Variants in SEC63 observed in about 807,000 individuals in gnomAD.
The protein encoded by SEC63 is translocation protein SEC63 homolog.
A neutral mutation model predicts 116.2 loss-of-function variants in SEC63; 56 were observed. That is an observed-to-expected ratio of 0.48 (90% CI 0.39 to 0.60). SEC63 has a LOEUF of 0.60. SEC63 is among the 20% of genes least tolerant of loss of function. SEC63 has a pLI of 0.00. For missense variants in SEC63, 668 were observed against 900.0 expected, an observed-to-expected ratio of 0.74 and a Z score of 3.30; for synonymous variants, 273 against 294.6, an observed-to-expected ratio of 0.93 and a Z score of 0.75.
intron 11 of SEC63, 82 bp from the exon 12 acceptor site, chr6:107,903,080 T>G (rs1787045793): frequency 7.2e-7 from 1 of 1,386,846 alleles, no homozygotes; most frequent in South Asian, 1.2e-5. Context: ...AAAACAAAAT[T>G]CACACTAAAT....
intron 2 of SEC63, among the ~76,000 whole-genome samples, chr6:107,928,204 C>T (rs1472979286): frequency 6.6e-6 from 1 of 152,162 alleles, no homozygotes; most frequent in East Asian, 1.9e-4. Context: ...CTGGGTGGCT[C>T]ATGCAAGGTG....
chr6:107,943,157 T>C (rs541547538), intron 1 of SEC63, among the ~76,000 whole-genome samples: 1 of 152,342 alleles, frequency 6.6e-6, no homozygotes, highest in East Asian at 1.9e-4. Context: ...AAGCAGACAC[T>C]TGCAACACCT....
chr6:107,896,844 T>G (rs775988663), intron 14 of SEC63, among the ~76,000 whole-genome samples: 6 of 151,956 alleles, frequency 3.9e-5, no homozygotes, highest in Non-Finnish European at 8.8e-5. Context: ...CCAGGTGTGG[T>G]GGCGTGTGCC....
intron 16 of SEC63, among the ~76,000 whole-genome samples, chr6:107,893,070 A>G (rs1786723281): frequency 6.6e-6 from 1 of 151,968 alleles, no homozygotes; most frequent in African/African-American, 2.4e-5. Context: ...CCACCACAAA[A>G]CAGGTAAATG....
chr6:107,920,220 G>A (rs1197086166), intron 4 of SEC63, among the ~76,000 whole-genome samples: 1 of 151,622 alleles, frequency 6.6e-6, no homozygotes, highest in Non-Finnish European at 1.5e-5. Context: ...TCAGGAAATC[G>A]AGACCATCCT....
rs1165774368 is a variant in SEC63, at chr6:107,913,511, C to A, written c.453-84G>T. 1.2e-5 allele frequency: 11 copies of A among 924,294 alleles called. No individual in the cohort carries two copies. In the East Asian group the frequency reaches 2.2e-4, roughly 18 times the overall value. The allele number at this position is 924,294 out of a possible 1,614,324, so 57.3% of individuals were successfully genotyped here. On this transcript the variant is annotated intron_variant, in intron 4 of 20. Transcript: ENST00000369002. ...CATATAGACAAACTCCATTAGCCAA[C>A]CAACTCATTTCTTAGAAGATACTGA...
intron 6 of SEC63, 95 bp from the exon 7 acceptor site, chr6:107,911,491 A>G: frequency 1.2e-6 from 1 of 801,820 alleles, no homozygotes; most frequent in Non-Finnish European, 2.2e-6. Context: ...GGGAGCCACT[A>G]TTAAAAGGAT....
intron 2 of SEC63, among the ~76,000 whole-genome samples, chr6:107,926,979 A>C (rs902253296): frequency 2.6e-5 from 4 of 152,208 alleles, no homozygotes; most frequent in African/African-American, 4.8e-5. Flanking sequence ...CTCTGTGCTC[A>C]ATTTTTTTAA....
intron 4 of SEC63, among the ~76,000 whole-genome samples, chr6:107,919,897 A>T (rs1175976242): frequency 6.6e-6 from 1 of 152,174 alleles, no homozygotes; most frequent in Non-Finnish European, 1.5e-5. Flanking sequence ...TGCTAGAGAA[A>T]TCTTTCATGA....
chr6:107,922,687 A>G (rs968519132), intron 3 of SEC63, among the ~76,000 whole-genome samples: 1 of 152,130 alleles, frequency 6.6e-6, no homozygotes, highest in Non-Finnish European at 1.5e-5. Context: ...TCTATTAATA[A>G]TTTTTTCACT....
intron 1 of SEC63, among the ~76,000 whole-genome samples, chr6:107,953,669 G>A (rs1289635604): frequency 2.1e-5 from 3 of 144,188 alleles, no homozygotes; most frequent in African/African-American, 2.6e-5. Context: ...CCCTCTGCCC[G>A]GCCAGCCGCC....
chr6:107,944,916 T>TAAAGCAAA (rs137916218), intron 1 of SEC63, among the ~76,000 whole-genome samples: 1 of 7,186 alleles, frequency 1.4e-4, no homozygotes, highest in Admixed American at 1.4e-3. Context: ...AACAAAAATC[T>TAAAGCAAA]AGGCCGGGCG....
chr6:107,883,395 A>G (rs928112286), intron 16 of SEC63: 9 of 453,570 alleles, frequency 2.0e-5, no homozygotes, highest in Non-Finnish European at 3.1e-5. Context: ...TTTGTCAAAT[A>G]AAAGTATTTC....
At chr6:107,895,919 C>T (rs1481862033) in intron 14 of SEC63, among the ~76,000 whole-genome samples, 2 of 150,120 alleles carry the variant, frequency 1.3e-5, no homozygotes, top group East Asian at 3.9e-4. Context: ...AATCCCAGCA[C>T]TTTGGGAGGC....
intron 1 of SEC63, among the ~76,000 whole-genome samples, chr6:107,947,794 G>C (rs1051134776): frequency 1.3e-5 from 2 of 151,966 alleles, no homozygotes; most frequent in African/African-American, 4.8e-5. Flanking sequence ...CCTGTCACTG[G>C]AAAGAGCCTC....
At chr6:107,919,206 T>C (rs1409380172) in intron 4 of SEC63, among the ~76,000 whole-genome samples, 5 of 151,958 alleles carry the variant, frequency 3.3e-5, no homozygotes, top group Non-Finnish European at 7.4e-5. Flanking sequence ...CTACCGCGCC[T>C]GGCCAGAAGT....
At chr6:107,933,711 TCTCCCCACG>T (rs1787862110) in intron 1 of SEC63, among the ~76,000 whole-genome samples, 1 of 121,310 alleles carries the variant, frequency 8.2e-6, no homozygotes, top group African/African-American at 3.2e-5. Context: ...TGCCTCTCCC[TCTCCCCACG>T]GCCCACGGTC....
At chr6:107,940,818 AG>A in intron 1 of SEC63, among the ~76,000 whole-genome samples, 1 of 149,508 alleles carries the variant, frequency 6.7e-6, no homozygotes, top group East Asian at 2.0e-4. Context: ...GACTCGCTGC[AG>A]TATCTTTGAG....
chr6:107,875,221 G>A (rs961194687), intron 19 of SEC63, among the ~76,000 whole-genome samples: 1 of 152,156 alleles, frequency 6.6e-6, no homozygotes, highest in Non-Finnish European at 1.5e-5. Context: ...ATGTCATGAT[G>A]TCTACAAGTA....
Sources: gnomAD v4.1 joint callset for allele counts (sites outside exome capture counted in the v4.1 genomes callset) on GRCh38, gnomAD v4.1.1 for gene constraint, MANE v1.5 for transcripts, NCBI Gene and HGNC (gene_info 2026-07-23, HGNC 2026-07-21) for gene names.